Variants in NREP observed in about 807,000 individuals in gnomAD.
The protein encoded by NREP is neuronal regeneration-related protein.
A neutral mutation model predicts 8.6 loss-of-function variants in NREP; 5 were observed. The observed-to-expected ratio is 0.58, with a 90% confidence interval of 0.30 to 1.22. The LOEUF (loss-of-function observed/expected upper bound fraction) is 1.22. Among genes scored for constraint, NREP ranks in the 50% most tolerant of loss-of-function variants. The pLI, the probability that NREP is intolerant of heterozygous loss-of-function variation, is 0.07. For missense variants in NREP, 86 were observed against 82.5 expected, an observed-to-expected ratio of 1.04 and a Z score of -0.17; for synonymous variants, 27 against 28.0, an observed-to-expected ratio of 0.96 and a Z score of 0.11.
intron 2 of NREP, chr5:111,739,303 A>G (rs1749439112): frequency 6.6e-6 from 1 of 152,258 alleles, no homozygotes; most frequent in Admixed American, 6.5e-5. Context: ...GAATCAGCCA[A>G]GGAAGATGAT....
rs1011220111 is a variant in NREP at position 111,746,247 on chromosome 5, T to TA, written c.3+9522dup. 6.2e-4 allele frequency among the ~76,000 whole-genome samples: 94 copies of TA among 150,780 alleles called. No homozygotes were observed. The South Asian group carries it at 0.016, about 25-fold the overall frequency. On this transcript the variant is annotated intron_variant, in intron 2 of 3. Transcript: ENST00000257435. ...TCAAAAAGTGGTTATCATTTTTTTT[T>TA]AAAAAAAGGAAAAACAGGTTTAATA...
At chr5:111,794,403 G>C (rs913457548) in intron 2 of NREP, among the ~76,000 whole-genome samples, 1 of 152,134 alleles carries the variant, frequency 6.6e-6, no homozygotes, top group African/African-American at 2.4e-5. Context: ...ACTCATAATT[G>C]CCAAAACTTG....
intron 2 of NREP, among the ~76,000 whole-genome samples, chr5:111,969,024 T>G (rs1756726151): frequency 6.6e-6 from 1 of 151,948 alleles, no homozygotes; most frequent in Non-Finnish European, 1.5e-5. Context: ...ATCCAGAGAG[T>G]ATAAAGGAAT....
At chr5:111,911,785 G>C (rs1303241004) in intron 2 of NREP, among the ~76,000 whole-genome samples, 1 of 152,056 alleles carries the variant, frequency 6.6e-6, no homozygotes, top group Non-Finnish European at 1.5e-5. Flanking sequence ...AGCTTGAGGA[G>C]ACCTCTGCAT....
At chr5:111,908,010 G>T (rs564160158) in intron 2 of NREP, among the ~76,000 whole-genome samples, 1 of 152,160 alleles carries the variant, frequency 6.6e-6, no homozygotes, top group Non-Finnish European at 1.5e-5. Context: ...CTAGGCTAAA[G>T]ACAACAGTAA....
At chr5:111,903,368 A>T (rs1284584284) in intron 2 of NREP, among the ~76,000 whole-genome samples, 1 of 152,066 alleles carries the variant, frequency 6.6e-6, no homozygotes, top group Non-Finnish European at 1.5e-5. Flanking sequence ...TACAGGTGTG[A>T]GCCACGGCAC....
At chr5:111,944,631 T>G (rs1180936888) in intron 2 of NREP, among the ~76,000 whole-genome samples, 2 of 152,116 alleles carry the variant, frequency 1.3e-5, no homozygotes, top group African/African-American at 4.8e-5. Context: ...ATTTTATTTG[T>G]TTCCCACAGC....
chr5:111,882,635 G>A (rs950849728), intron 2 of NREP, among the ~76,000 whole-genome samples: 3 of 152,196 alleles, frequency 2.0e-5, no homozygotes, highest in African/African-American at 4.8e-5. Context: ...TGATCTCTCG[G>A]CAGAAACTCT....
At chr5:111,780,448 C>G (rs1751466053) in intron 2 of NREP, among the ~76,000 whole-genome samples, 1 of 152,060 alleles carries the variant, frequency 6.6e-6, no homozygotes, top group African/African-American at 2.4e-5. Flanking sequence ...AGTCATAGAG[C>G]TTTTTAAATT....
upstream of NREP, chr5:111,758,280 A>G: frequency 3.0e-6 from 3 of 984,752 alleles, no homozygotes; most frequent in Non-Finnish European, 3.6e-6. Context: ...GCCTGGCGTG[A>G]TCGGCCCAAG....
At chr5:111,829,076 A>G (rs1254035340) in intron 2 of NREP, among the ~76,000 whole-genome samples, 1 of 152,072 alleles carries the variant, frequency 6.6e-6, no homozygotes, top group Non-Finnish European at 1.5e-5. Flanking sequence ...GCAAACCATC[A>G]TGAAAGAGCA....
intron 2 of NREP, among the ~76,000 whole-genome samples, chr5:111,960,555 CTGTT>C (rs1756451263): frequency 1.3e-5 from 2 of 152,162 alleles, no homozygotes; most frequent in African/African-American, 4.8e-5. Context: ...AACCTCATCT[CTGTT>C]TGAATATAAT....
intron 2 of NREP, among the ~76,000 whole-genome samples, chr5:111,816,788 T>G (rs1371324952): frequency 6.6e-6 from 1 of 151,490 alleles, no homozygotes; most frequent in Non-Finnish European, 1.5e-5. Flanking sequence ...ACAATTATAA[T>G]ATGTAAATGG....
intron 2 of NREP, among the ~76,000 whole-genome samples, chr5:111,787,976 TG>T (rs1751650167): frequency 2.0e-5 from 3 of 152,124 alleles, no homozygotes; most frequent in Admixed American, 2.0e-4. Flanking sequence ...TGCACACCTG[TG>T]GCCCCAGCTA....
chr5:111,746,092 A>G (rs1429173310), intron 2 of NREP, among the ~76,000 whole-genome samples: 2 of 152,182 alleles, frequency 1.3e-5, no homozygotes, highest in Non-Finnish European at 2.9e-5. Context: ...TCATCAATTT[A>G]GTAAAAATTC....
At chr5:111,767,073 A>G (rs187686988) in intron 2 of NREP, among the ~76,000 whole-genome samples, 2 of 152,326 alleles carry the variant, frequency 1.3e-5, no homozygotes, top group African/African-American at 2.4e-5. Context: ...AAAAGCCTCA[A>G]TTGGTAACAC....
At chr5:111,844,794 T>C (rs1400681337) in intron 2 of NREP, among the ~76,000 whole-genome samples, 2 of 150,476 alleles carry the variant, frequency 1.3e-5, no homozygotes, top group Non-Finnish European at 3.0e-5. Context: ...TTTCTGGAGA[T>C]AAAATACCCC....
At chr5:111,757,645 G>A (rs1366960285), upstream of NREP, 46 of 983,038 alleles carry the variant, frequency 4.7e-5, no homozygotes, top group Non-Finnish European at 5.3e-5. Context: ...CGCGCCCCGG[G>A]CGCCCCGCTC....
chr5:111,824,745 A>C (rs879221547), intron 2 of NREP, among the ~76,000 whole-genome samples: 6 of 152,214 alleles, frequency 3.9e-5, no homozygotes, highest in Admixed American at 3.9e-4. Flanking sequence ...GGTGTATAGA[A>C]TTCCATACGT....
Sources: allele counts gnomAD v4.1 joint callset (sites outside exome capture counted in the v4.1 genomes callset), GRCh38; gene constraint gnomAD v4.1.1; transcripts MANE v1.5; gene names NCBI Gene and HGNC (gene_info 2026-07-23, HGNC 2026-07-21).